Variants in KIF13B observed in about 807,000 individuals in gnomAD.
KIF13B encodes kinesin family member 13B, also known as kinesin-like protein KIF13B.
In KIF13B, 127 loss-of-function variants were observed where a neutral mutation model predicts 222.0. That is an observed-to-expected ratio of 0.57 (90% CI 0.50 to 0.66). KIF13B has a LOEUF of 0.66. Ranked by LOEUF, KIF13B falls within the 30% of genes least tolerant of loss-of-function variation. The pLI, the probability that KIF13B is intolerant of heterozygous loss-of-function variation, is 0.00. For missense variants in KIF13B, 2,173 were observed against 2,379.0 expected (o/e 0.91, Z 1.80); for synonymous variants, 976 against 919.0 (o/e 1.06, Z -1.12).
intron 13 of KIF13B, among the ~76,000 whole-genome samples, chr8:29,159,719 T>A (rs1035944985): frequency 6.6e-6 from 1 of 152,194 alleles, no homozygotes; most frequent in South Asian, 2.1e-4. Flanking sequence ...TTGCCGCCAC[T>A]GAACCACAAC....
Position 29,132,422 on chromosome 8 carries a change from G to C in KIF13B, c.2828C>G (p.Ser943Cys). Residue 943 changes from serine to cysteine, a missense_variant, in exon 23 of 40, where the codon TCC (serine) becomes TGC (cysteine). Physicochemically the swap from Ser to Cys is moderately radical, Grantham distance 112. This residue lies in a region of KIF13B where 1,480 missense variants were observed against 1,722.8 expected (regional missense o/e 0.86). Transcript: ENST00000524189. ...NITEDFIEHL[S>C]EGALAIEVYG... ...TACTTCAATTGCCAATGCTCCTTCG[G>C]AAAGATGCTCGATAAAGTCTTCGGT... The C allele has an allele frequency of 6.3e-7, 1 of 1,579,166 alleles. No individual in the cohort carries two copies. The highest frequency in any genetic ancestry group is 1.4e-5 in the African/African-American group (1 of 73,412).
intron 21 of KIF13B, among the ~76,000 whole-genome samples, chr8:29,135,979 C>T (rs1425771690): frequency 6.7e-6 from 1 of 150,044 alleles, no homozygotes; most frequent in African/African-American, 2.5e-5. Context: ...TTCTTCCATA[C>T]TAGACATATA....
chr8:29,225,244 G>A (rs994770052), intron 2 of KIF13B, among the ~76,000 whole-genome samples: 1 of 152,194 alleles, frequency 6.6e-6, no homozygotes, highest in African/African-American at 2.4e-5. Flanking sequence ...GCATGTGAAG[G>A]ACAGACTAGT....
intron 10 of KIF13B, among the ~76,000 whole-genome samples, chr8:29,174,699 G>C (rs1202831075): frequency 6.6e-6 from 1 of 152,116 alleles, no homozygotes; most frequent in Non-Finnish European, 1.5e-5. Flanking sequence ...TAACAGTCCT[G>C]CATTTTGGCC....
In KIF13B at chr8:29,070,624, C is replaced by T. The variant is rs1236219040; in HGVS notation, c.5361G>A (p.Glu1787=). 2 of 1,576,122 alleles carry T rather than the reference C, an allele frequency of 1.3e-6. No homozygotes were observed. Among genetic ancestry groups the T allele is most frequent in the East Asian group, 4.7e-5 (2 of 42,676 alleles). The change falls in exon 40 of 40, where the codon GAG becomes GAA. Residue 1787 remains glutamate (E), a synonymous_variant. Transcript: ENST00000524189. This position sits in a 1 kb window ranked among gnomAD's most constrained non-coding sequence, Gnocchi z 4.1. ...CCGAGAGGGTGGCGCTCCGGCGGGC[C>T]TCGGGGGCACCCAGCCGGAGTCCTG... The part of the protein sequence containing the change: ...RSTGLRLGAP[E]ARRSATLSGS...
intron 19 of KIF13B, among the ~76,000 whole-genome samples, chr8:29,141,361 G>C (rs1158042641): frequency 6.6e-6 from 1 of 152,068 alleles, no homozygotes; most frequent in Non-Finnish European, 1.5e-5. Context: ...GCCCCTATGG[G>C]AGTGGCTCTT....
At chr8:29,133,095 G>C (rs901720845) in intron 22 of KIF13B, among the ~76,000 whole-genome samples, 2 of 152,088 alleles carry the variant, frequency 1.3e-5, no homozygotes, top group African/African-American at 2.4e-5. Context: ...GGCTTTAAAC[G>C]GATTAGAAAG....
intron 38 of KIF13B, among the ~76,000 whole-genome samples, chr8:29,073,080 C>T (rs371204457): frequency 2.9e-4 from 21 of 72,294 alleles, no homozygotes; most frequent in South Asian, 1.8e-3. Context: ...AGGAGGGGTA[C>T]GAGGAGGGGT....
intron 13 of KIF13B, among the ~76,000 whole-genome samples, chr8:29,156,875 G>A (rs973267641): frequency 6.6e-6 from 1 of 151,916 alleles, no homozygotes; most frequent in South Asian, 2.1e-4. Context: ...TTGGATGTCT[G>A]AAGATATATC....
At chr8:29,260,160 T>C (rs968825371) in intron 1 of KIF13B, among the ~76,000 whole-genome samples, 2 of 152,196 alleles carry the variant, frequency 1.3e-5, no homozygotes, top group African/African-American at 4.8e-5. Flanking sequence ...CAAACCCACA[T>C]ACAGTTTAGC....
At chr8:29,235,308 G>A (rs752897880) in intron 2 of KIF13B, among the ~76,000 whole-genome samples, 10 of 152,160 alleles carry the variant, frequency 6.6e-5, no homozygotes, top group South Asian at 2.1e-4. Context: ...CATCTGCACC[G>A]TCCAAGCAAG....
At chr8:29,251,161 A>AG (rs1407593839) in intron 1 of KIF13B, among the ~76,000 whole-genome samples, 2 of 152,230 alleles carry the variant, frequency 1.3e-5, no homozygotes, top group African/African-American at 4.8e-5. Flanking sequence ...GAAGAAAAAA[A>AG]AAGGCAAAAC....
At chr8:29,076,097 C>T (rs1807545491) in intron 37 of KIF13B, among the ~76,000 whole-genome samples, 1 of 152,170 alleles carries the variant, frequency 6.6e-6, no homozygotes, top group Non-Finnish European at 1.5e-5. Flanking sequence ...ATCATCAGAG[C>T]CAGGAAAAGG....
intron 2 of KIF13B, among the ~76,000 whole-genome samples, chr8:29,204,487 G>A (rs566864777): frequency 3.9e-5 from 6 of 152,130 alleles, no homozygotes; most frequent in Non-Finnish European, 8.8e-5. Flanking sequence ...TGAGGTGGGA[G>A]GATTGCTTGA....
chr8:29,152,715 G>A (rs930899972), intron 14 of KIF13B, among the ~76,000 whole-genome samples: 1 of 152,066 alleles, frequency 6.6e-6, no homozygotes, highest in African/African-American at 2.4e-5. Context: ...AGGTTCAGGC[G>A]ATGCTCCTGC....
In KIF13B at chr8:29,140,584, A is replaced by C; in HGVS notation, c.2368T>G (p.Phe790Val). 2 of 1,613,822 alleles carry C rather than the reference A, an allele frequency of 1.2e-6. No individual in the cohort carries two copies. The highest frequency in any genetic ancestry group is 2.2e-5 in the South Asian group (2 of 91,056). Residue 790 changes from phenylalanine to valine, a missense_variant, in exon 20 of 40, where the codon TTC (phenylalanine) becomes GTC (valine). This residue lies in a region of KIF13B where 1,480 missense variants were observed against 1,722.8 expected (regional missense o/e 0.86). Transcript: ENST00000524189. ...CTGTGATTTTCCTGCTCATCATAGAATGGATCAGCACGTTTGAAGTATGAT... is the reference window on the plus strand; with the variant it reads ...CTGTGATTTTCCTGCTCATCATAGACTGGATCAGCACGTTTGAAGTATGAT... ...IRSYFKRADPFYDEQENHSLI... is the reference protein window; with the variant it reads ...IRSYFKRADPVYDEQENHSLI...
chr8:29,129,728 G>A (rs916047818), intron 24 of KIF13B, among the ~76,000 whole-genome samples: 7 of 152,070 alleles, frequency 4.6e-5, no homozygotes, highest in Non-Finnish European at 8.8e-5. Flanking sequence ...CAGACTCTGC[G>A]GATGCATGTG....
intron 13 of KIF13B, among the ~76,000 whole-genome samples, chr8:29,156,564 G>T (rs1453024699): frequency 6.6e-6 from 1 of 151,662 alleles, no homozygotes; most frequent in Non-Finnish European, 1.5e-5. Context: ...ACCCAGGCTG[G>T]AGTGCAGAGA....
At chr8:29,104,314 C>G (rs1422137403) in intron 35 of KIF13B, among the ~76,000 whole-genome samples, 1 of 152,088 alleles carries the variant, frequency 6.6e-6, no homozygotes, top group Non-Finnish European at 1.5e-5. Flanking sequence ...CACTGCTGTC[C>G]AAAACCCGAT....
Sources: gnomAD v4.1 joint callset for allele counts (sites outside exome capture counted in the v4.1 genomes callset) on GRCh38, gnomAD v4.1.1 for gene constraint, gnomAD v4.1.1 regional missense constraint, Gnocchi (gnomAD v3.1) non-coding constraint, MANE v1.5 for transcripts, NCBI Gene and HGNC (gene_info 2026-07-23, HGNC 2026-07-21) for gene names.